The following IL1RAPL1 variants were observed in gnomAD, a reference collection of about 807,000 sequenced individuals.
IL1RAPL1 encodes the protein interleukin 1 receptor accessory protein like 1.
IL1RAPL1 carries 3 observed loss-of-function variants against 48.4 expected under a neutral mutation model. That is an observed-to-expected ratio of 0.06 (90% CI 0.03 to 0.16). The LOEUF is 0.16. Ranked by LOEUF, IL1RAPL1 falls within the 10% of genes least tolerant of loss-of-function variation. IL1RAPL1 has a pLI of 1.00. For synonymous variants in IL1RAPL1, 185 were observed against 187.7 expected, an observed-to-expected ratio of 0.99 and a Z score of 0.12; for missense variants, 349 against 530.6, an observed-to-expected ratio of 0.66 and a Z score of 3.36.
At chrX:28,651,578 A>T (rs771867975) in intron 1 of IL1RAPL1, among the ~76,000 whole-genome samples, 133 of 112,071 alleles carry the variant, frequency 1.2e-3, no homozygotes, top group African/African-American at 4.2e-3. Context: ...GCTATGTAAG[A>T]TTCTTCTCAA....
intron 2 of IL1RAPL1, among the ~76,000 whole-genome samples, chrX:28,938,870 CAG>C (rs1924087946): frequency 9.1e-6 from 1 of 110,348 alleles, no homozygotes; most frequent in Admixed American, 9.7e-5. Flanking sequence ...AGGGCATGAA[CAG>C]ATACTTTTCA....
chrX:29,280,845 A>T, intron 2 of IL1RAPL1, among the ~76,000 whole-genome samples: 1 of 111,986 alleles, frequency 8.9e-6, no homozygotes, highest in Admixed American at 9.5e-5. Flanking sequence ...GGCCTCTCTG[A>T]GGAGGTGATA....
chrX:29,201,573 T>A lies in IL1RAPL1; in HGVS notation c.83-81365T>A, dbSNP rs186580895. On this transcript the variant is annotated intron_variant, in intron 2 of 10. Transcript: ENST00000378993. Reference sequence around the variant, plus strand: ...ACATACTTAGGAAATAAATAATGCATATGCAAAAGACATAGAACCATTGTC... The same window carrying A: ...ACATACTTAGGAAATAAATAATGCAAATGCAAAAGACATAGAACCATTGTC... 3.6e-5 allele frequency among the ~76,000 whole-genome samples: 4 copies of A among 112,534 alleles called. No homozygotes were observed. The East Asian group carries it at 1.1e-3, about 31-fold the overall frequency.
chrX:28,693,109 A>G (rs952400055), intron 1 of IL1RAPL1, among the ~76,000 whole-genome samples: 1 of 112,256 alleles, frequency 8.9e-6, no homozygotes, highest in Non-Finnish European at 1.9e-5. Context: ...CTTTAGAAAG[A>G]CAATTCCACT....
intron 2 of IL1RAPL1, among the ~76,000 whole-genome samples, chrX:29,143,432 T>A (rs746938648): frequency 8.9e-6 from 1 of 112,136 alleles, no homozygotes; most frequent in African/African-American, 3.2e-5. Flanking sequence ...TGGTTTCAGT[T>A]ACCTGTGGTC....
intron 6 of IL1RAPL1, among the ~76,000 whole-genome samples, chrX:29,766,056 C>T (rs369317349): frequency 2.8e-5 from 3 of 108,903 alleles, no homozygotes; most frequent in East Asian, 2.9e-4. Context: ...CCCGGCTGGG[C>T]GCGGTGGCTC....
At chrX:29,482,830 C>T (rs1298014543) in intron 5 of IL1RAPL1, among the ~76,000 whole-genome samples, 1 of 111,885 alleles carries the variant, frequency 8.9e-6, no homozygotes, top group Non-Finnish European at 1.9e-5. Context: ...ATGGTCATTC[C>T]TTGTAATATA....
rs748840231 is a variant in IL1RAPL1, at chrX:29,955,659, G to A, written c.1930G>A (p.Gly644Ser). 5.0e-6 allele frequency: 6 copies of A among 1,209,551 alleles called. No homozygotes were observed. The Admixed American group carries it at 1.3e-4, about 26-fold the overall frequency. The stretch of plus-strand genomic sequence containing the variant: ...CGGCACCCTGCCTCTTACCTCCATA[G>A]GCAATCAGCATACCTACTGTAACAT... ...PTGTLPLTSI[G>S]NQHTYCNIPM... The change falls in exon 11 of 11, where the codon GGC (glycine) becomes AGC (serine). Residue 644 changes from glycine to serine, a missense_variant. Gly to Ser is a moderately conservative substitution (Grantham distance 56). Around this residue, in one of 3 missense-constraint regions of IL1RAPL1, gnomAD observed 65 missense variants for 79.6 expected, o/e 0.82. Transcript: ENST00000378993.
At chrX:28,680,826 T>C (rs1292815491) in intron 1 of IL1RAPL1, among the ~76,000 whole-genome samples, 2 of 111,982 alleles carry the variant, frequency 1.8e-5, no homozygotes, top group East Asian at 5.6e-4. Context: ...TTGTGTATAA[T>C]CCTTTTAATA....
rs181759858 is a variant in IL1RAPL1, at chrX:29,831,153, C to T, written c.779-86311C>T. ...TTCTTGGCTGGCAAAACACCGTTTA[C>T]CAATTGTGTTTATTACATGCTTCTG... On this transcript the variant is annotated intron_variant, in intron 6 of 10. Coordinates refer to ENST00000378993, the MANE Select transcript of IL1RAPL1 (RefSeq NM_014271.4). Among the ~76,000 whole-genome samples the T allele has an allele frequency of 4.9e-3, 542 of 111,604 alleles. 1 individual carries two copies. Among genetic ancestry groups the T allele is most frequent in the Non-Finnish European group, 8.1e-3 (430 of 53,116 alleles).
chrX:29,387,585 A>G (rs1475565467), intron 3 of IL1RAPL1, among the ~76,000 whole-genome samples: 2 of 112,354 alleles, frequency 1.8e-5, no homozygotes, highest in African/African-American at 6.5e-5. Context: ...AAATAAGAAG[A>G]TCATCAGGTG....
intron 6 of IL1RAPL1, among the ~76,000 whole-genome samples, chrX:29,854,847 C>T (rs957429091): frequency 4.5e-5 from 5 of 110,174 alleles, no homozygotes; most frequent in African/African-American, 9.9e-5. Flanking sequence ...GGGGCCAAGG[C>T]GGGAGGATCA....
intron 5 of IL1RAPL1, among the ~76,000 whole-genome samples, chrX:29,664,164 G>A (rs1185515109): frequency 8.9e-6 from 1 of 111,993 alleles, no homozygotes; most frequent in African/African-American, 3.2e-5. Flanking sequence ...CAGCACTTTG[G>A]GAGGCCGAGG....
intron 5 of IL1RAPL1, among the ~76,000 whole-genome samples, chrX:29,655,337 T>C (rs1925644759): frequency 8.9e-6 from 1 of 111,791 alleles, no homozygotes; most frequent in Non-Finnish European, 1.9e-5. Flanking sequence ...TGGTGTCTAG[T>C]AGAAACCATG....
At chrX:29,262,283 GA>G (rs1350501619) in intron 2 of IL1RAPL1, among the ~76,000 whole-genome samples, 3 of 112,087 alleles carry the variant, frequency 2.7e-5, no homozygotes, top group African/African-American at 9.7e-5. Flanking sequence ...TTTATTTTGT[GA>G]TATAAATAAG....
At chrX:28,962,555 T>A (rs941237660) in intron 2 of IL1RAPL1, among the ~76,000 whole-genome samples, 6 of 111,237 alleles carry the variant, frequency 5.4e-5, no homozygotes, top group African/African-American at 1.6e-4. Flanking sequence ...GCGCTCCTTA[T>A]CCATGTGTTC....
intron 2 of IL1RAPL1, among the ~76,000 whole-genome samples, chrX:29,049,739 T>A (rs1927052248): frequency 1.8e-5 from 2 of 112,633 alleles, no homozygotes; most frequent in African/African-American, 6.4e-5. Context: ...CTGATTAACT[T>A]TTTAAAATAA....
At chrX:29,924,933 A>G (rs747651311) in intron 8 of IL1RAPL1, among the ~76,000 whole-genome samples, 32 of 112,024 alleles carry the variant, frequency 2.9e-4, no homozygotes, top group Admixed American at 9.5e-4. Flanking sequence ...CACATCATTT[A>G]GGATGCATTG....
chrX:29,000,870 A>G (rs1331143362), intron 2 of IL1RAPL1, among the ~76,000 whole-genome samples: 2 of 105,106 alleles, frequency 1.9e-5, no homozygotes, highest in Non-Finnish European at 3.9e-5. Flanking sequence ...ATTTCTCAGT[A>G]TCCTGGGGAC....
Sources: gnomAD v4.1 joint callset for allele counts (sites outside exome capture counted in the v4.1 genomes callset) on GRCh38, gnomAD v4.1.1 for gene constraint, gnomAD v4.1.1 regional missense constraint, MANE v1.5 for transcripts, NCBI Gene and HGNC (gene_info 2026-07-23, HGNC 2026-07-21) for gene names.